Variants in TAFA1 observed in about 807,000 individuals in gnomAD.
TAFA1 encodes TAFA chemokine like family member 1, also known as chemokine-like protein TAFA-1.
TAFA1 carries 4 observed loss-of-function variants against 18.5 expected under a neutral mutation model. That is an observed-to-expected ratio of 0.22 (90% CI 0.11 to 0.49). TAFA1 has a LOEUF of 0.49. Among genes scored for constraint, TAFA1 ranks in the 20% least tolerant of loss-of-function variants. The pLI is 0.98. For missense variants in TAFA1, 147 were observed against 169.0 expected, an observed-to-expected ratio of 0.87 and a Z score of 0.72; for synonymous variants, 56 against 55.2, an observed-to-expected ratio of 1.01 and a Z score of -0.06.
chr3:68,318,804 A>G (rs748855267), intron 2 of TAFA1, among the ~76,000 whole-genome samples: 2 of 152,204 alleles, frequency 1.3e-5, no homozygotes, highest in Non-Finnish European at 2.9e-5. Context: ...TACCTGAAAA[A>G]TAATTGAATT....
chr3:68,017,189 A>G (rs1313856002), intron 2 of TAFA1, among the ~76,000 whole-genome samples: 1 of 152,188 alleles, frequency 6.6e-6, no homozygotes, highest in East Asian at 1.9e-4. Context: ...AGCTTCCCGG[A>G]TGGGGGTCTT....
intron 3 of TAFA1, among the ~76,000 whole-genome samples, chr3:68,510,462 G>A (rs1319713344): frequency 9.2e-5 from 14 of 152,092 alleles, no homozygotes; most frequent in Middle Eastern, 3.2e-3. Context: ...ATCTCCTGAA[G>A]AGCAGCCTGC....
intron 2 of TAFA1, among the ~76,000 whole-genome samples, chr3:68,373,089 A>G (rs1319210084): frequency 6.6e-6 from 1 of 152,114 alleles, no homozygotes; most frequent in Non-Finnish European, 1.5e-5. Context: ...CTTTTTTTCC[A>G]CTGGTGCAAT....
chr3:68,450,551 C>T (rs1386292188), intron 3 of TAFA1, among the ~76,000 whole-genome samples: 1 of 152,122 alleles, frequency 6.6e-6, no homozygotes, highest in African/African-American at 2.4e-5. Flanking sequence ...TTTTAAGGAT[C>T]AGATCCCATT....
intron 2 of TAFA1, among the ~76,000 whole-genome samples, chr3:68,174,204 G>C (rs770913349): frequency 2.0e-5 from 3 of 152,184 alleles, no homozygotes; most frequent in Admixed American, 6.5e-5. Context: ...ATGGTGGTTG[G>C]TATTTTGGTT....
At position 68,107,892 on chromosome 3, in the gene TAFA1, C is replaced by T. The variant is rs2065221077; in HGVS notation, c.118+101148C>T. Among the ~76,000 whole-genome samples, 4 of 152,002 alleles carry T rather than the reference C, an allele frequency of 2.6e-5. No individual in the cohort carries two copies. In the South Asian group the frequency reaches 8.3e-4, roughly 32 times the overall value. ...TGTTTTTGTTGATTTTACAGAGGCC[C>T]TTGGATGGTTCTGCCCTAGTCATTA... is the stretch of plus-strand genomic sequence containing the variant. On this transcript the variant is annotated intron_variant, in intron 2 of 4. Coordinates refer to ENST00000478136, the MANE Select transcript of TAFA1 (RefSeq NM_213609.4).
intron 2 of TAFA1, among the ~76,000 whole-genome samples, chr3:68,283,524 A>C (rs1175034573): frequency 6.6e-6 from 1 of 152,180 alleles, no homozygotes; most frequent in Non-Finnish European, 1.5e-5. Context: ...TCCTGGGTGC[A>C]TCCTGGCCCT....
intron 2 of TAFA1, among the ~76,000 whole-genome samples, chr3:68,191,988 C>G (rs1334192644): frequency 2.0e-5 from 3 of 151,768 alleles, no homozygotes; most frequent in Non-Finnish European, 4.4e-5. Flanking sequence ...TATAGGATCT[C>G]TTTCTATATT....
intron 2 of TAFA1, among the ~76,000 whole-genome samples, chr3:68,170,882 A>T (rs59542433): frequency 0.066 from 10,058 of 151,978 alleles, 1,065 homozygotes; most frequent in African/African-American, 0.23. Flanking sequence ...ACACACACAC[A>T]CACGTACACA....
intron 3 of TAFA1, among the ~76,000 whole-genome samples, chr3:68,526,660 T>G (rs1179823607): frequency 6.6e-6 from 1 of 152,178 alleles, no homozygotes; most frequent in Non-Finnish European, 1.5e-5. Flanking sequence ...AGTCTAATAG[T>G]ACTCTCATAA....
intron 2 of TAFA1, among the ~76,000 whole-genome samples, chr3:68,320,669 T>C (rs1328670164): frequency 6.6e-6 from 1 of 152,150 alleles, no homozygotes; most frequent in East Asian, 1.9e-4. Context: ...CTAATACCCA[T>C]CTCTTCTTTG....
intron 2 of TAFA1, among the ~76,000 whole-genome samples, chr3:68,184,604 A>G (rs979824058): frequency 6.6e-6 from 1 of 152,134 alleles, no homozygotes; most frequent in African/African-American, 2.4e-5. Flanking sequence ...AAGCAGGACT[A>G]TTGATTAGCT....
At chr3:68,398,956 T>G (rs1043178744) in intron 2 of TAFA1, among the ~76,000 whole-genome samples, 2 of 152,150 alleles carry the variant, frequency 1.3e-5, no homozygotes, top group African/African-American at 4.8e-5. Flanking sequence ...TCTCATTTAG[T>G]CTAACTGACT....
At chr3:68,257,569 A>G (rs1486722796) in intron 2 of TAFA1, among the ~76,000 whole-genome samples, 1 of 152,132 alleles carries the variant, frequency 6.6e-6, no homozygotes, top group Non-Finnish European at 1.5e-5. Flanking sequence ...CTAAGTGCAT[A>G]ATACTCATGA....
chr3:68,133,859 G>A (rs867729429), intron 2 of TAFA1, among the ~76,000 whole-genome samples: 1 of 151,894 alleles, frequency 6.6e-6, no homozygotes, highest in Non-Finnish European at 1.5e-5. Flanking sequence ...ACTTGCTGAG[G>A]GGACATAATA....
chr3:68,217,210 G>T (rs952434652), intron 2 of TAFA1, among the ~76,000 whole-genome samples: 10 of 151,818 alleles, frequency 6.6e-5, no homozygotes, highest in Admixed American at 2.6e-4. Flanking sequence ...TACTTTTAAT[G>T]GCAAAAACTG....
At chr3:68,057,023 G>A (rs1196367931) in intron 2 of TAFA1, among the ~76,000 whole-genome samples, 1 of 152,112 alleles carries the variant, frequency 6.6e-6, no homozygotes, top group East Asian at 1.9e-4. Context: ...GTTTTTATGG[G>A]AAAAGCTACA....
In TAFA1 at chr3:68,486,309, A is replaced by G. The variant is rs540772766; in HGVS notation, c.260-52447A>G. Among the ~76,000 whole-genome samples the G allele has an allele frequency of 2.6e-5, 4 of 151,944 alleles. No homozygotes were observed. The South Asian group carries it at 8.3e-4, about 32-fold the overall frequency. On this transcript the variant is annotated intron_variant, in intron 3 of 4. Coordinates refer to ENST00000478136, the MANE Select transcript of TAFA1 (RefSeq NM_213609.4). ...GCCTGAACAACTAGTTACTAAATTAAAAAAAAGCCATATACAGGATTGTTT... is the reference window on the plus strand; with the variant it reads ...GCCTGAACAACTAGTTACTAAATTAGAAAAAAGCCATATACAGGATTGTTT...
chr3:68,392,193 AAAAG>A (rs2070272508), intron 2 of TAFA1, among the ~76,000 whole-genome samples: 1 of 151,606 alleles, frequency 6.6e-6, no homozygotes, highest in Non-Finnish European at 1.5e-5. Context: ...AAAAAAAAAA[AAAAG>A]TAGGGATTGC....
Sources: gnomAD v4.1 joint callset for allele counts (sites outside exome capture counted in the v4.1 genomes callset) on GRCh38, gnomAD v4.1.1 for gene constraint, MANE v1.5 for transcripts, NCBI Gene and HGNC (gene_info 2026-07-23, HGNC 2026-07-21) for gene names.